Variants in ESR1 observed in about 807,000 individuals in gnomAD.
ESR1 encodes estrogen receptor.
ESR1 carries 12 observed loss-of-function variants against 52.7 expected under a neutral mutation model. That is an observed-to-expected ratio of 0.23 (90% confidence interval 0.15 to 0.37). The LOEUF (loss-of-function observed/expected upper bound fraction) is 0.37, where lower values mean the gene tolerates loss of function less well. Ranked by LOEUF, ESR1 falls within the 10% of genes least tolerant of loss-of-function variation. ESR1 has a pLI of 1.00. For synonymous variants in ESR1, 305 were observed against 316.8 expected, an observed-to-expected ratio of 0.96 and a Z score of 0.39; for missense variants, 584 against 779.7, an observed-to-expected ratio of 0.75 and a Z score of 2.99.
chr6:151,674,430 A>C (rs769174288), intron 1 of ESR1, among the ~76,000 whole-genome samples: 2 of 152,144 alleles, frequency 1.3e-5, no homozygotes, highest in Non-Finnish European at 2.9e-5. Context: ...CCAGTCTATC[A>C]TTGATGGGCA....
intron 2 of ESR1, among the ~76,000 whole-genome samples, chr6:151,870,057 C>T (rs1790682510): frequency 6.6e-6 from 1 of 152,098 alleles, no homozygotes; most frequent in Admixed American, 6.6e-5. Flanking sequence ...TTCTTTGGCT[C>T]ATTGCATTGG....
chr6:151,765,336 T>G (rs895597484), intron 2 of ESR1, among the ~76,000 whole-genome samples: 2 of 152,242 alleles, frequency 1.3e-5, no homozygotes, highest in African/African-American at 4.8e-5. Flanking sequence ...ATGACTGAAT[T>G]GAGTATCAGT....
At chr6:151,848,797 A>G (rs1785725298) in intron 2 of ESR1, among the ~76,000 whole-genome samples, 1 of 152,170 alleles carries the variant, frequency 6.6e-6, no homozygotes, top group African/African-American at 2.4e-5. Context: ...TAGATATATT[A>G]ATCAGGTCCT....
At chr6:151,873,881 T>C (rs1791388833) in intron 2 of ESR1, among the ~76,000 whole-genome samples, 1 of 152,220 alleles carries the variant, frequency 6.6e-6, no homozygotes, top group South Asian at 2.1e-4. Context: ...GTTAATTTTA[T>C]GTAAATATTC....
At chr6:151,876,439 A>G (rs1355582903) in intron 2 of ESR1, among the ~76,000 whole-genome samples, 3 of 152,080 alleles carry the variant, frequency 2.0e-5, no homozygotes, top group South Asian at 2.1e-4. Flanking sequence ...GCAATATTAT[A>G]TTGGCTTTCT....
chr6:152,033,280 A>G (rs2044914591), intron 5 of ESR1, among the ~76,000 whole-genome samples: 1 of 152,208 alleles, frequency 6.6e-6, no homozygotes, highest in South Asian at 2.1e-4. Context: ...CAAAAGCCAA[A>G]ATTGACAAAT....
At chr6:151,924,603 G>A (rs578158385) in intron 3 of ESR1, among the ~76,000 whole-genome samples, 6 of 151,808 alleles carry the variant, frequency 4.0e-5, no homozygotes, top group African/African-American at 9.7e-5. Flanking sequence ...GTTCCCTCAC[G>A]TAGGCCCCAG....
intron 3 of ESR1, among the ~76,000 whole-genome samples, chr6:151,915,330 C>G (rs767917068): frequency 3.9e-5 from 6 of 152,160 alleles, no homozygotes; most frequent in Non-Finnish European, 7.3e-5. Context: ...ATCTATGTGT[C>G]TCTGTGAAAA....
At chr6:151,687,787 T>C (rs945235309), upstream of ESR1, among the ~76,000 whole-genome samples, 1 of 152,204 alleles carries the variant, frequency 6.6e-6, no homozygotes, top group Non-Finnish European at 1.5e-5. Context: ...AATGTGACAC[T>C]ACCAAGGAAT....
chr6:151,691,752 C>A (rs1279267206), intron 1 of ESR1, among the ~76,000 whole-genome samples: 1 of 152,154 alleles, frequency 6.6e-6, no homozygotes, highest in Non-Finnish European at 1.5e-5. Context: ...AATTCTGAAA[C>A]GTACAGAGAA....
chr6:151,681,518 A>C (rs1778459880), intron 1 of ESR1, among the ~76,000 whole-genome samples: 1 of 152,090 alleles, frequency 6.6e-6, no homozygotes, highest in Non-Finnish European at 1.5e-5. Flanking sequence ...CTCTGGAAGC[A>C]CAGGGACTGT....
At chr6:151,856,827 G>T (rs1409036307) in intron 2 of ESR1, among the ~76,000 whole-genome samples, 1 of 152,102 alleles carries the variant, frequency 6.6e-6, no homozygotes, top group Non-Finnish European at 1.5e-5. Flanking sequence ...TAACTTTGGG[G>T]ATGAAGTACC....
chr6:151,864,176 T>G (rs1789412970), intron 2 of ESR1, among the ~76,000 whole-genome samples: 1 of 152,006 alleles, frequency 6.6e-6, no homozygotes, highest in African/African-American at 2.4e-5. Flanking sequence ...GGGAGAAAAT[T>G]TTTGCAATCT....
chr6:152,123,615 A>T (rs1424288812), intron 6 of ESR1, among the ~76,000 whole-genome samples: 5 of 152,188 alleles, frequency 3.3e-5, no homozygotes, highest in African/African-American at 1.2e-4. Context: ...TTTTTTGGTT[A>T]CTAGCAGAAA....
upstream of ESR1, among the ~76,000 whole-genome samples, chr6:151,806,555 T>TATATATATATATATATAC (rs1408302409): frequency 1.4e-5 from 2 of 142,684 alleles, no homozygotes; most frequent in Admixed American, 6.9e-5. Flanking sequence ...TATATATATA[T>TATATATATATATATATAC]ATACACATAT....
At position 152,027,915 on chromosome 6, in the gene ESR1, G is replaced by A. The variant is rs1029523847; in HGVS notation, c.1235+16121G>A. 4.6e-4 allele frequency among the ~76,000 whole-genome samples: 70 copies of A among 152,004 alleles called. 1 individual carries two copies. Among genetic ancestry groups the A allele is most frequent in the African/African-American group, 1.4e-3 (58 of 41,384 alleles). The stretch of plus-strand genomic sequence containing the variant: ...TCCCAGCACTTTGGGAGGCCGAGGC[G>A]GGTAGATCATAAGGTTAGCAGATTG... On this transcript the variant is annotated intron_variant, in intron 5 of 7. Coordinates refer to ENST00000206249, the MANE Select transcript of ESR1 (RefSeq NM_000125.4).
chr6:151,758,101 G>C (rs991214897), intron 2 of ESR1, among the ~76,000 whole-genome samples: 1 of 152,184 alleles, frequency 6.6e-6, no homozygotes, highest in Non-Finnish European at 1.5e-5. Flanking sequence ...GTAGTTTCAT[G>C]GTCTTGCTGT....
At chr6:151,761,546 T>C (rs73780860) in intron 2 of ESR1, among the ~76,000 whole-genome samples, 6,421 of 152,266 alleles carry the variant, frequency 0.042, 432 homozygotes, top group African/African-American at 0.15. Flanking sequence ...CCCTGAGCAA[T>C]TTCTGTGGCT....
At chr6:151,772,007 TTC>T (rs1462014171) in intron 2 of ESR1, among the ~76,000 whole-genome samples, 1 of 152,198 alleles carries the variant, frequency 6.6e-6, no homozygotes, top group African/African-American at 2.4e-5. Context: ...GGGTAAATGT[TTC>T]TAATGAAATG....
Sources: gnomAD v4.1 joint callset for allele counts (sites outside exome capture counted in the v4.1 genomes callset) on GRCh38, gnomAD v4.1.1 for gene constraint, MANE v1.5 for transcripts, NCBI Gene and HGNC (gene_info 2026-07-23, HGNC 2026-07-21) for gene names.